Variants in MYO3B observed in about 807,000 individuals in gnomAD.
MYO3B encodes the protein myosin IIIB.
In MYO3B, 156 loss-of-function variants were observed where a neutral mutation model predicts 174.6. That is an observed-to-expected ratio of 0.89 (90% confidence interval 0.78 to 1.02). The LOEUF (loss-of-function observed/expected upper bound fraction) is 1.02, where lower values mean the gene tolerates loss of function less well. Ranked by LOEUF, MYO3B falls within the 50% of genes least tolerant of loss-of-function variation. The probability of loss-of-function intolerance (pLI) is 0.00; values close to 1 mark genes in which losing one functional copy is unlikely to be tolerated. For synonymous variants in MYO3B, 563 were observed against 569.1 expected (o/e 0.99, Z 0.15); for missense variants, 1,632 against 1,639.4 (o/e 1.00, Z 0.08).
At chr2:170,521,526 C>T (rs546911502) in intron 30 of MYO3B, among the ~76,000 whole-genome samples, 2 of 152,300 alleles carry the variant, frequency 1.3e-5, no homozygotes, top group South Asian at 4.1e-4. Context: ...TTCCACCGCC[C>T]TTCTCTTCAC....
At chr2:170,437,982 C>A (rs568976120) in intron 22 of MYO3B, among the ~76,000 whole-genome samples, 15 of 152,118 alleles carry the variant, frequency 9.9e-5, no homozygotes, top group Admixed American at 7.9e-4. Context: ...TTTAAGTATA[C>A]AATACAGTAT....
At chr2:170,522,601 G>A (rs184954038) in intron 30 of MYO3B, among the ~76,000 whole-genome samples, 6 of 152,250 alleles carry the variant, frequency 3.9e-5, no homozygotes, top group South Asian at 2.1e-4. Flanking sequence ...AAAAGGTTCC[G>A]ACTTCTCAGG....
intron 6 of MYO3B, among the ~76,000 whole-genome samples, chr2:170,233,999 G>A (rs1363300656): frequency 2.0e-5 from 3 of 151,328 alleles, no homozygotes; most frequent in East Asian, 3.9e-4. Flanking sequence ...GTGAAACCCC[G>A]TCTCTACTAA....
chr2:170,308,711 T>C (rs923515008), intron 7 of MYO3B, among the ~76,000 whole-genome samples: 2 of 152,172 alleles, frequency 1.3e-5, no homozygotes, highest in Admixed American at 1.3e-4. Flanking sequence ...TTCTGTATTA[T>C]AGTTACTCAT....
At chr2:170,528,087 A>G (rs1689115284) in intron 30 of MYO3B, among the ~76,000 whole-genome samples, 1 of 152,238 alleles carries the variant, frequency 6.6e-6, no homozygotes, top group African/African-American at 2.4e-5. Context: ...TAGTTGATAA[A>G]GGAGCTAGCT....
chr2:170,318,813 A>C (rs1349103596), intron 7 of MYO3B, among the ~76,000 whole-genome samples: 1 of 134,390 alleles, frequency 7.4e-6, no homozygotes, highest in African/African-American at 2.5e-5. Context: ...TCTGGAGATG[A>C]GGCCAAAAAA....
chr2:170,247,343 C>T (rs549180684), intron 7 of MYO3B, among the ~76,000 whole-genome samples: 2 of 152,236 alleles, frequency 1.3e-5, no homozygotes, highest in Admixed American at 1.3e-4. Flanking sequence ...GGGTCAAGCA[C>T]CTGTGGAATA....
chr2:170,649,287 TATTATATATAAA>T (rs1273045245), intron 32 of MYO3B, among the ~76,000 whole-genome samples: 2 of 85,016 alleles, frequency 2.4e-5, no homozygotes, highest in African/African-American at 1.1e-4. Context: ...AAATAATATA[TATTATATATAAA>T]ATAATATATA....
chr2:170,373,300 A>G (rs989621493), intron 9 of MYO3B, among the ~76,000 whole-genome samples: 1 of 152,200 alleles, frequency 6.6e-6, no homozygotes, highest in Non-Finnish European at 1.5e-5. Context: ...ACGTCTTCAT[A>G]GTCTATCAAA....
chr2:170,428,072 C>A (rs139052963), intron 22 of MYO3B, among the ~76,000 whole-genome samples: 29 of 152,288 alleles, frequency 1.9e-4, no homozygotes, highest in African/African-American at 6.3e-4. Context: ...TCTCCTCTCA[C>A]GTGCTAAGAA....
Position 170,391,503 on chromosome 2 carries a change from G to A in MYO3B, c.1578-17G>A, listed in dbSNP as rs2094411386. Reference sequence around the variant, plus strand: ...GAAGCCAGAATATATTATTACTAAAGTCTCTTTTTTTTTCAGGAGAGAGAA... The same window carrying A: ...GAAGCCAGAATATATTATTACTAAAATCTCTTTTTTTTTCAGGAGAGAGAA... On this transcript the variant is annotated splice_polypyrimidine_tract_variant and intron_variant, in intron 14 of 34. Coordinates refer to ENST00000408978, the MANE Select transcript of MYO3B (RefSeq NM_138995.5). 1 of 1,250,178 alleles carries A rather than the reference G, an allele frequency of 8.0e-7. No homozygotes were observed. The highest frequency in any genetic ancestry group is 1.6e-5 in the African/African-American group (1 of 64,170). The allele number at this position is 1,250,178 out of a possible 1,614,324, so 77.4% of individuals were successfully genotyped here.
Position 170,602,108 on chromosome 2 carries a change from ACT to A in MYO3B, c.3734-49517_3734-49516del, listed in dbSNP as rs1202812574. On this transcript the variant is annotated intron_variant, in intron 32 of 34. Transcript: ENST00000408978. ...CACCTCTCTGAGCACTTCTTAGAAA[ACT>A]CTGAGAAGTTGACTGAGGCATCTGG... is the stretch of plus-strand genomic sequence containing the variant. 6.6e-6 allele frequency: 8 copies of A among 1,217,152 alleles called. No homozygotes were observed. In the Admixed American group the frequency reaches 6.7e-5, roughly 10 times the overall value. The allele number at this position is 1,217,152 out of a possible 1,614,324, so 75.4% of individuals were successfully genotyped here.
At chr2:170,457,449 CTTTA>C (rs1465530406) in intron 23 of MYO3B, among the ~76,000 whole-genome samples, 2 of 151,840 alleles carry the variant, frequency 1.3e-5, no homozygotes, top group Admixed American at 6.6e-5. Flanking sequence ...TTCTTTATAT[CTTTA>C]TTCTATAAAC....
intron 25 of MYO3B, among the ~76,000 whole-genome samples, chr2:170,474,612 G>A (rs765771480): frequency 2.7e-5 from 4 of 150,764 alleles, no homozygotes; most frequent in Non-Finnish European, 5.9e-5. Flanking sequence ...GCGTGGTGGC[G>A]CATGCCTGTA....
intron 28 of MYO3B, among the ~76,000 whole-genome samples, chr2:170,504,831 G>A (rs1256173544): frequency 1.3e-5 from 2 of 152,098 alleles, no homozygotes; most frequent in Admixed American, 1.3e-4. Context: ...TTAATTGTGG[G>A]CCCTTCATTC....
At chr2:170,299,927 T>C (rs1401114420) in intron 7 of MYO3B, among the ~76,000 whole-genome samples, 3 of 152,176 alleles carry the variant, frequency 2.0e-5, no homozygotes, top group East Asian at 1.9e-4. Context: ...CATGTTTACA[T>C]TGTTGGAATG....
chr2:170,491,507 G>C (rs951770555), intron 25 of MYO3B, among the ~76,000 whole-genome samples: 1 of 152,052 alleles, frequency 6.6e-6, no homozygotes, highest in Non-Finnish European at 1.5e-5. Context: ...CTCACTGCAA[G>C]CTCCGCCTCC....
intron 3 of MYO3B, among the ~76,000 whole-genome samples, chr2:170,203,861 G>A (rs1433238675): frequency 6.6e-6 from 1 of 152,106 alleles, no homozygotes; most frequent in Admixed American, 6.6e-5. Flanking sequence ...ACTTGAGACT[G>A]GAGAAGGGAA....
intron 25 of MYO3B, among the ~76,000 whole-genome samples, chr2:170,467,282 A>T (rs1229299266): frequency 6.6e-6 from 1 of 152,212 alleles, no homozygotes; most frequent in African/African-American, 2.4e-5. Flanking sequence ...CCATGGTCTC[A>T]TGCTGGTCAA....
Sources: allele counts gnomAD v4.1 joint callset (sites outside exome capture counted in the v4.1 genomes callset), GRCh38; gene constraint gnomAD v4.1.1; transcripts MANE v1.5; gene names NCBI Gene and HGNC (gene_info 2026-07-23, HGNC 2026-07-21).